The following MAN1A1 variants were observed in gnomAD, a reference collection of about 807,000 sequenced individuals.
MAN1A1 encodes mannosidase alpha class 1A member 1.
MAN1A1 carries 29 observed loss-of-function variants against 70.8 expected under a neutral mutation model. The ratio of observed to expected loss-of-function variants is 0.41; its 90% CI spans 0.31 to 0.56. MAN1A1 has a LOEUF of 0.56. Ranked by LOEUF, MAN1A1 falls within the 20% of genes least tolerant of loss-of-function variation. The pLI is 0.29. For missense variants in MAN1A1, 747 were observed against 841.3 expected (o/e 0.89, Z 1.39); for synonymous variants, 349 against 330.1 (o/e 1.06, Z -0.62).
At chr6:119,349,775 G>C (rs1039639383), upstream of MAN1A1, 7 of 983,818 alleles carry the variant, frequency 7.1e-6, no homozygotes, top group Middle Eastern at 5.2e-4. Context: ...CTCACTGCCG[G>C]TCTTGGGGCG....
At position 119,179,753 on chromosome 6, in the gene MAN1A1, C is replaced by T; in HGVS notation, c.*66G>A. ...TCAAAGTTCATCATGTGCCTGATTA[C>T]CAGAAAAGGAATTATTAAGGTATAC... On this transcript the variant is annotated 3_prime_UTR_variant, in exon 13 of 13. Transcript: ENST00000368468. 2.1e-6 allele frequency: 3 copies of T among 1,452,000 alleles called. No individual in the cohort carries two copies. Among genetic ancestry groups the T allele is most frequent in the Non-Finnish European group, 2.9e-6 (3 of 1,051,600 alleles). 89.9% of individuals were successfully genotyped at this position (1,452,000 alleles called of 1,614,324 possible). A position where few individuals can be genotyped will look rare whatever the true frequency, so the allele number is the denominator to read the frequency against.
intron 7 of MAN1A1, among the ~76,000 whole-genome samples, chr6:119,204,172 C>T (rs1301268734): frequency 6.6e-6 from 1 of 152,118 alleles, no homozygotes; most frequent in Admixed American, 6.6e-5. Flanking sequence ...GTGGCTTTGG[C>T]ACTGTTGTGC....
At chr6:119,341,976 T>G (rs1225604939) in intron 2 of MAN1A1, among the ~76,000 whole-genome samples, 2 of 152,098 alleles carry the variant, frequency 1.3e-5, no homozygotes, top group Non-Finnish European at 2.9e-5. Context: ...AAATTATTTA[T>G]TAGAAAAAAG....
intron 2 of MAN1A1, among the ~76,000 whole-genome samples, chr6:119,346,014 G>C (rs932294340): frequency 3.9e-5 from 6 of 152,192 alleles, no homozygotes; most frequent in Non-Finnish European, 8.8e-5. Context: ...GCTGAGGCAG[G>C]AGAATTGCTT....
intron 6 of MAN1A1, chr6:119,210,805 C>A (rs1436832734): frequency 8.5e-6 from 3 of 352,014 alleles, no homozygotes; most frequent in Non-Finnish European, 1.7e-5. Context: ...TGAGGAAGGA[C>A]TTGGGAATGT....
chr6:119,254,904 C>T (rs1775420086), intron 5 of MAN1A1, among the ~76,000 whole-genome samples: 1 of 152,160 alleles, frequency 6.6e-6, no homozygotes, highest in Non-Finnish European at 1.5e-5. Context: ...TTAAGAATTT[C>T]AAAATAACTA....
intron 5 of MAN1A1, among the ~76,000 whole-genome samples, chr6:119,272,815 T>C (rs540475751): frequency 3.9e-5 from 6 of 152,298 alleles, no homozygotes; most frequent in South Asian, 2.1e-4. Flanking sequence ...TTGGATAATA[T>C]AAAGACAAAG....
chr6:119,189,574 C>T (rs2072888), intron 10 of MAN1A1, 90 bp downstream of exon 10: 887,794 of 1,110,012 alleles, frequency 0.8, 361,297 homozygotes, highest in Non-Finnish European at 0.83. Context: ...ATAGGCAGAG[C>T]GGATAGTCTT....
chr6:119,297,124 C>T (rs973938628), intron 4 of MAN1A1, among the ~76,000 whole-genome samples: 2 of 152,146 alleles, frequency 1.3e-5, no homozygotes, highest in South Asian at 2.1e-4. Flanking sequence ...ATTAGAAATG[C>T]CCAAATAGGA....
intron 6 of MAN1A1, among the ~76,000 whole-genome samples, chr6:119,206,309 T>A (rs1312523314): frequency 6.6e-6 from 1 of 152,180 alleles, no homozygotes; most frequent in Non-Finnish European, 1.5e-5. Context: ...GCTCTTGGTG[T>A]CCACCCCCAC....
At chr6:119,229,178 T>G (rs911386086) in intron 6 of MAN1A1, among the ~76,000 whole-genome samples, 1 of 148,582 alleles carries the variant, frequency 6.7e-6, no homozygotes, top group African/African-American at 2.5e-5. Flanking sequence ...TAACAACAAT[T>G]ATCAGAATCA....
chr6:119,209,675 C>T (rs1013599595), intron 6 of MAN1A1, among the ~76,000 whole-genome samples: 4 of 152,168 alleles, frequency 2.6e-5, no homozygotes, highest in African/African-American at 9.7e-5. Flanking sequence ...TTAGATAAAG[C>T]AATTTGAGCT....
intron 8 of MAN1A1, among the ~76,000 whole-genome samples, chr6:119,194,474 T>A (rs1040021028): frequency 6.6e-6 from 1 of 151,920 alleles, no homozygotes; most frequent in Non-Finnish European, 1.5e-5. Flanking sequence ...CAGGCACGCA[T>A]CACCACGCCA....
intron 2 of MAN1A1, among the ~76,000 whole-genome samples, chr6:119,341,449 C>G (rs985861392): frequency 6.6e-6 from 1 of 152,118 alleles, no homozygotes; most frequent in Non-Finnish European, 1.5e-5. Flanking sequence ...CTCAGTACTT[C>G]TCAACACCTA....
rs139944455 is a variant in MAN1A1 at position 119,313,872 on chromosome 6, G to A, written c.604-6880C>T. On this transcript the variant is annotated intron_variant, in intron 2 of 12. Transcript: ENST00000368468. The stretch of plus-strand genomic sequence containing the variant: ...GACAGGAACAGAACCACCAGGTCTA[G>A]GGCAACTAGAAGTGAATGGGAAACG... 5.7e-3 allele frequency among the ~76,000 whole-genome samples: 869 copies of A among 151,360 alleles called. 26 individuals are homozygous for A. The highest frequency in any genetic ancestry group is 1.3e-3 in the Non-Finnish European group (86 of 67,938).
At chr6:119,186,717 G>C (rs766422062) in intron 11 of MAN1A1, among the ~76,000 whole-genome samples, 4 of 152,184 alleles carry the variant, frequency 2.6e-5, no homozygotes, top group Middle Eastern at 3.2e-3. Flanking sequence ...CCAAGTGCTG[G>C]AGGTGGGAGC....
At chr6:119,255,778 C>T (rs1447576105) in intron 5 of MAN1A1, among the ~76,000 whole-genome samples, 1 of 152,186 alleles carries the variant, frequency 6.6e-6, no homozygotes, top group Non-Finnish European at 1.5e-5. Flanking sequence ...GGGACTCTCC[C>T]CTGTGGGCAC....
chr6:119,255,699 C>T (rs536102248), intron 5 of MAN1A1, among the ~76,000 whole-genome samples: 8 of 152,310 alleles, frequency 5.3e-5, no homozygotes, highest in African/African-American at 1.9e-4. Flanking sequence ...GGATGGTTTA[C>T]TGCCAGCTAC....
intron 5 of MAN1A1, among the ~76,000 whole-genome samples, chr6:119,253,514 C>A (rs1455873189): frequency 2.0e-5 from 3 of 152,176 alleles, no homozygotes; most frequent in Non-Finnish European, 4.4e-5. Flanking sequence ...CTTATTCAAG[C>A]ATCGCGACAA....
Sources: allele counts gnomAD v4.1 joint callset (sites outside exome capture counted in the v4.1 genomes callset), GRCh38; gene constraint gnomAD v4.1.1; transcripts MANE v1.5; gene names NCBI Gene and HGNC (gene_info 2026-07-23, HGNC 2026-07-21).